The following MEI4 variants were observed in gnomAD, a reference collection of about 807,000 sequenced individuals.
The protein encoded by MEI4 is meiotic double-stranded break formation protein 4.
In MEI4, 27 loss-of-function variants were observed where a neutral mutation model predicts 31.4. The observed-to-expected ratio is 0.86, with a 90% CI of 0.63 to 1.19. The LOEUF (loss-of-function observed/expected upper bound fraction) is 1.19, where lower values mean the gene tolerates loss of function less well. Among genes scored for constraint, MEI4 ranks in the 50% most tolerant of loss-of-function variants. The pLI is 0.00. For missense variants in MEI4, 329 were observed against 398.9 expected (o/e 0.82, Z 1.49); for synonymous variants, 122 against 145.4 (o/e 0.84, Z 1.16).
intron 4 of MEI4, among the ~76,000 whole-genome samples, chr6:77,920,939 G>C (rs989532528): frequency 5.3e-5 from 8 of 151,864 alleles, no homozygotes; most frequent in Admixed American, 5.3e-4. Flanking sequence ...AGCCAGAGTA[G>C]ATTTAGCATA....
chr6:77,877,078 A>C (rs1771359187), intron 4 of MEI4, among the ~76,000 whole-genome samples: 1 of 152,154 alleles, frequency 6.6e-6, no homozygotes, highest in Non-Finnish European at 1.5e-5. Context: ...ACATTTAAGA[A>C]AAAATGGAGT....
intron 2 of MEI4, among the ~76,000 whole-genome samples, chr6:77,696,186 G>A (rs1368636511): frequency 3.9e-5 from 6 of 152,072 alleles, no homozygotes; most frequent in Non-Finnish European, 8.8e-5. Flanking sequence ...GGGTTTTCTA[G>A]ATATACAATC....
intron 4 of MEI4, among the ~76,000 whole-genome samples, chr6:77,830,860 A>G (rs1770062002): frequency 6.6e-6 from 1 of 152,068 alleles, no homozygotes; most frequent in Non-Finnish European, 1.5e-5. Flanking sequence ...TTTTTGGGTA[A>G]GACCTTAAAA....
chr6:77,805,172 T>C (rs1196274015), intron 3 of MEI4, among the ~76,000 whole-genome samples: 1 of 152,122 alleles, frequency 6.6e-6, no homozygotes, highest in Non-Finnish European at 1.5e-5. Flanking sequence ...TGTAAAAATA[T>C]GATAAAACCT....
rs1290110941 is a variant in MEI4, at chr6:77,746,257, C to A, written c.233-14873C>A. On this transcript the variant is annotated intron_variant, in intron 2 of 4. Transcript: ENST00000684080. ...AATAAAGAAGAAAAGAGAGAAGAAT[C>A]AAATAGACACATTCTGTGTGTCTTT... 4.6e-5 allele frequency among the ~76,000 whole-genome samples: 7 copies of A among 152,078 alleles called. No individual in the cohort carries two copies. The East Asian group carries it at 1.3e-3, about 29-fold the overall frequency.
chr6:77,683,655 T>C (rs1014573781), intron 1 of MEI4, among the ~76,000 whole-genome samples: 1 of 152,168 alleles, frequency 6.6e-6, no homozygotes, highest in Non-Finnish European at 1.5e-5. Context: ...GCAGAAGTTA[T>C]CTTTCTGTGC....
chr6:77,795,040 A>G (rs1017388646), intron 3 of MEI4, among the ~76,000 whole-genome samples: 1 of 152,162 alleles, frequency 6.6e-6, no homozygotes, highest in African/African-American at 2.4e-5. Flanking sequence ...AAATAGAAAC[A>G]CAACATAGCC....
chr6:77,826,169 A>C (rs775639905), intron 3 of MEI4, among the ~76,000 whole-genome samples: 51 of 152,234 alleles, frequency 3.4e-4, no homozygotes, highest in Non-Finnish European at 5.4e-4. Flanking sequence ...GTGTATACCT[A>C]AATTTATATA....
At chr6:77,922,610 C>G (rs965068764) in intron 4 of MEI4, among the ~76,000 whole-genome samples, 4 of 151,686 alleles carry the variant, frequency 2.6e-5, no homozygotes, top group Admixed American at 6.6e-5. Context: ...GTATATGATT[C>G]AATGCTACCC....
intron 1 of MEI4, among the ~76,000 whole-genome samples, chr6:77,674,947 C>CT (rs1419632214): frequency 6.6e-6 from 1 of 151,212 alleles, no homozygotes; most frequent in Non-Finnish European, 1.5e-5. Context: ...ATTTTAATAC[C>CT]TTTTTTCTTT....
chr6:77,758,687 C>A (rs1767970715), intron 2 of MEI4, among the ~76,000 whole-genome samples: 1 of 152,174 alleles, frequency 6.6e-6, no homozygotes, highest in Admixed American at 6.5e-5. Context: ...CAGATCCCAG[C>A]CCATCCAGTG....
intron 3 of MEI4, among the ~76,000 whole-genome samples, chr6:77,801,511 A>G (rs1769258095): frequency 6.6e-6 from 1 of 151,804 alleles, no homozygotes; most frequent in Non-Finnish European, 1.5e-5. Context: ...GATCTGAGTT[A>G]TTTCTTGCCT....
At chr6:77,821,562 G>C (rs1369687027) in intron 3 of MEI4, among the ~76,000 whole-genome samples, 1 of 152,010 alleles carries the variant, frequency 6.6e-6, no homozygotes, top group East Asian at 1.9e-4. Flanking sequence ...TTGGGAGGCC[G>C]AGACAGGTGG....
At chr6:77,814,167 A>G (rs1050559576) in intron 3 of MEI4, among the ~76,000 whole-genome samples, 26 of 152,032 alleles carry the variant, frequency 1.7e-4, no homozygotes, top group African/African-American at 6.3e-4. Flanking sequence ...TCAGTAAGGG[A>G]GAGTTAGGAG....
chr6:77,796,061 G>A (rs2127698028), intron 3 of MEI4, among the ~76,000 whole-genome samples: 1 of 152,154 alleles, frequency 6.6e-6, no homozygotes, highest in Middle Eastern at 3.4e-3. Flanking sequence ...TCTATGATAG[G>A]GTAGGATTTA....
chr6:77,688,202 G>A (rs1769092514), intron 1 of MEI4, among the ~76,000 whole-genome samples: 1 of 152,096 alleles, frequency 6.6e-6, no homozygotes, highest in South Asian at 2.1e-4. Flanking sequence ...GGATAGGAAT[G>A]CTGTTCTACA....
chr6:77,672,483 T>C (rs1223357258), intron 1 of MEI4, among the ~76,000 whole-genome samples: 1 of 152,252 alleles, frequency 6.6e-6, no homozygotes, highest in East Asian at 1.9e-4. Context: ...ATTGCAAATA[T>C]ACTTTGTATG....
At chr6:77,702,558 C>A (rs1400959386) in intron 2 of MEI4, among the ~76,000 whole-genome samples, 1 of 152,176 alleles carries the variant, frequency 6.6e-6, no homozygotes, top group African/African-American at 2.4e-5. Flanking sequence ...CTGCATTTCT[C>A]TCCATTCCTG....
intron 2 of MEI4, among the ~76,000 whole-genome samples, chr6:77,742,110 T>A (rs1767424321): frequency 6.6e-6 from 1 of 152,054 alleles, no homozygotes; most frequent in South Asian, 2.1e-4. Flanking sequence ...AGCAGCATGA[T>A]TTATAGTCCT....
Sources: allele counts gnomAD v4.1 joint callset (sites outside exome capture counted in the v4.1 genomes callset), GRCh38; gene constraint gnomAD v4.1.1; transcripts MANE v1.5; gene names NCBI Gene and HGNC (gene_info 2026-07-23, HGNC 2026-07-21).